PRDM11: variants seen among roughly 807,000 people sequenced by gnomAD.
The protein encoded by PRDM11 is PR domain-containing protein 11.
PRDM11 carries 20 observed loss-of-function variants against 97.8 expected under a neutral mutation model. The observed-to-expected ratio is 0.20, with a 90% CI of 0.14 to 0.30. The LOEUF is 0.30. PRDM11 is among the 10% of genes least tolerant of loss of function. The pLI, the probability that PRDM11 is intolerant of heterozygous loss-of-function variation, is 1.00. For missense variants in PRDM11, 1,139 were observed against 1,555.2 expected (o/e 0.73, Z 4.50); for synonymous variants, 599 against 637.7 (o/e 0.94, Z 0.91).
At chr11:45,138,441 G>A (rs11038324) in intron 1 of PRDM11, among the ~76,000 whole-genome samples, 1,907 of 152,244 alleles carry the variant, frequency 0.013, 35 homozygotes, top group African/African-American at 0.043. Flanking sequence ...GGCGGCATGT[G>A]CCTGTAGTCC....
chr11:45,169,740 T>TAA (rs10653072), intron 1 of PRDM11, among the ~76,000 whole-genome samples: 137,971 of 152,122 alleles, frequency 0.91, 63,425 homozygotes, highest in Non-Finnish European at 0.98. Flanking sequence ...ACACAGATGG[T>TAA]ATAATGCAGC....
At chr11:45,212,252 C>T (rs1039569069) in intron 5 of PRDM11, among the ~76,000 whole-genome samples, 13 of 152,288 alleles carry the variant, frequency 8.5e-5, no homozygotes, top group Non-Finnish European at 1.8e-4. Flanking sequence ...AGAGCTGTTC[C>T]GTTGAGAGGA....
chr11:45,214,013 A>T, intron 5 of PRDM11: 2 of 316,320 alleles, frequency 6.3e-6, no homozygotes, highest in South Asian at 5.5e-5. Flanking sequence ...TGATTCTCCC[A>T]CCCTGCCCTG....
chr11:45,232,646 T>G lies in PRDM11; in HGVS notation c.*4487T>G, dbSNP rs1487960227. On this transcript the variant is annotated 3_prime_UTR_variant, in exon 8 of 8. Coordinates refer to ENST00000683152, the MANE Select transcript of PRDM11 (RefSeq NM_001384648.1). ...CTTCTGGGGAGGTGGTGCCGTGTCA[T>G]GGGTTCTAGTCTGGCCTCTTCCTCA... The G allele has an allele frequency of 6.6e-6, 1 of 152,298 alleles. No individual in the cohort carries two copies. Among genetic ancestry groups the G allele is most frequent in the African/African-American group, 2.4e-5 (1 of 41,448 alleles). The allele number at this position is 152,298 out of a possible 1,614,324, so 9.4% of individuals were successfully genotyped here.
chr11:45,211,052 C>A (rs1166149799), intron 5 of PRDM11, among the ~76,000 whole-genome samples: 1 of 152,210 alleles, frequency 6.6e-6, no homozygotes, highest in Admixed American at 6.5e-5. Context: ...AGGCTCACAG[C>A]CCTCCTTTTC....
intron 1 of PRDM11, among the ~76,000 whole-genome samples, chr11:45,117,142 T>G (rs1411322579): frequency 6.7e-6 from 1 of 148,180 alleles, no homozygotes; most frequent in Non-Finnish European, 1.5e-5. Flanking sequence ...GAGAATTGCT[T>G]GAACCTGGGA....
intron 1 of PRDM11, among the ~76,000 whole-genome samples, chr11:45,148,386 C>T (rs1009182216): frequency 2.6e-5 from 4 of 152,262 alleles, no homozygotes; most frequent in African/African-American, 7.2e-5. Flanking sequence ...AGATGAAATG[C>T]CTGTTCCAGG....
chr11:45,182,184 C>A, intron 2 of PRDM11, 62 bp from the exon 3 acceptor site: 1 of 1,466,738 alleles, frequency 6.8e-7, no homozygotes, highest in East Asian at 2.3e-5. Context: ...GCTTTTGTCC[C>A]CACTGGGCTC....
At chr11:45,152,570 A>G (rs1344064001) in intron 1 of PRDM11, among the ~76,000 whole-genome samples, 1 of 152,220 alleles carries the variant, frequency 6.6e-6, no homozygotes, top group Non-Finnish European at 1.5e-5. Flanking sequence ...TATGAATAGT[A>G]TATGCCATAT....
intron 4 of PRDM11, among the ~76,000 whole-genome samples, chr11:45,197,439 T>C (rs186224752): frequency 8.5e-5 from 13 of 152,318 alleles, no homozygotes; most frequent in African/African-American, 3.1e-4. Context: ...ATAGAGCCTA[T>C]AGTTTACTGT....
intron 1 of PRDM11, among the ~76,000 whole-genome samples, chr11:45,152,191 C>T (rs1430198643): frequency 1.3e-5 from 2 of 152,150 alleles, no homozygotes; most frequent in African/African-American, 4.8e-5. Flanking sequence ...CCTCAGCCCC[C>T]GAGTAGCTGG....
intron 1 of PRDM11, among the ~76,000 whole-genome samples, chr11:45,168,728 G>A (rs1019830357): frequency 5.9e-5 from 9 of 152,148 alleles, no homozygotes; most frequent in African/African-American, 2.4e-5. Context: ...CTGGCTAGAC[G>A]AGGACACACT....
chr11:45,218,059 C>G (rs1474967285), intron 5 of PRDM11, among the ~76,000 whole-genome samples: 1 of 152,060 alleles, frequency 6.6e-6, no homozygotes, highest in Non-Finnish European at 1.5e-5. Context: ...ACCATTTTTC[C>G]ATGTCATAAA....
At chr11:45,159,009 G>C (rs1851869309) in intron 1 of PRDM11, among the ~76,000 whole-genome samples, 2 of 152,020 alleles carry the variant, frequency 1.3e-5, no homozygotes, top group Admixed American at 6.5e-5. Flanking sequence ...TAGTTCTGTG[G>C]CCTGCCCTGT....
At chr11:45,142,033 A>G (rs140108003), upstream of PRDM11, among the ~76,000 whole-genome samples, 1 of 152,344 alleles carries the variant, frequency 6.6e-6, no homozygotes, top group East Asian at 1.9e-4. Flanking sequence ...CGTTTGCTTC[A>G]ATCTCATCTA....
At chr11:45,128,041 G>A (rs1242234874) in intron 1 of PRDM11, among the ~76,000 whole-genome samples, 1 of 152,230 alleles carries the variant, frequency 6.6e-6, no homozygotes, top group Admixed American at 6.5e-5. Flanking sequence ...ATGCAAGCCT[G>A]GGCAATGGCA....
intron 4 of PRDM11, among the ~76,000 whole-genome samples, chr11:45,200,961 G>A (rs1044334927): frequency 1.3e-5 from 2 of 152,164 alleles, no homozygotes; most frequent in Non-Finnish European, 2.9e-5. Flanking sequence ...AACATGCATA[G>A]TGGTGTGCTG....
intron 1 of PRDM11, among the ~76,000 whole-genome samples, chr11:45,125,162 A>G (rs1319636823): frequency 1.3e-5 from 2 of 151,934 alleles, no homozygotes; most frequent in Non-Finnish European, 2.9e-5. Flanking sequence ...GGTAGTTTGT[A>G]TTTCTGTGGG....
intron 1 of PRDM11, among the ~76,000 whole-genome samples, chr11:45,129,003 T>C (rs1421515103): frequency 6.6e-6 from 1 of 152,168 alleles, no homozygotes; most frequent in Non-Finnish European, 1.5e-5. Flanking sequence ...AAGAATGCAG[T>C]TACTTTAACA....
Sources: allele counts gnomAD v4.1 joint callset (sites outside exome capture counted in the v4.1 genomes callset), GRCh38; gene constraint gnomAD v4.1.1; transcripts MANE v1.5; gene names NCBI Gene and HGNC (gene_info 2026-07-23, HGNC 2026-07-21).